FLT4: variants seen among roughly 807,000 people sequenced by gnomAD.
FLT4 encodes fms related receptor tyrosine kinase 4.
FLT4 carries 30 observed loss-of-function variants against 163.2 expected under a neutral mutation model. The ratio of observed to expected loss-of-function variants is 0.18; its 90% confidence interval spans 0.14 to 0.25. The LOEUF is 0.25. Ranked by LOEUF, FLT4 falls within the 10% of genes least tolerant of loss-of-function variation. FLT4 has a pLI of 1.00. For synonymous variants in FLT4, 884 were observed against 789.5 expected, an observed-to-expected ratio of 1.12 and a Z score of -2.01; for missense variants, 1,510 against 1,863.8, an observed-to-expected ratio of 0.81 and a Z score of 3.50.
At chr5:180,622,526 T>A (rs1327658918) in intron 12 of FLT4, among the ~76,000 whole-genome samples, 1 of 152,154 alleles carries the variant, frequency 6.6e-6, no homozygotes, top group Non-Finnish European at 1.5e-5. Context: ...GCCCCAGGGT[T>A]GGGGACAGAG....
chr5:180,621,999 C>T (rs62621082), intron 12 of FLT4, 95 bp from the exon 13 acceptor site: 1 of 1,529,644 alleles, frequency 6.5e-7, no homozygotes, highest in Non-Finnish European at 8.9e-7. Flanking sequence ...TCCCTCCCTC[C>T]CTCTCTCCTG....
chr5:180,618,442 C>T (rs1235286109), intron 21 of FLT4, among the ~76,000 whole-genome samples: 1 of 150,878 alleles, frequency 6.6e-6, no homozygotes, highest in South Asian at 2.1e-4. Flanking sequence ...CCAGAGGACC[C>T]TCTCCTGCCC....
rs1764736991 is a variant in FLT4 at position 180,636,984 on chromosome 5, A to G, written c.59-5206T>C. 1.3e-5 allele frequency among the ~76,000 whole-genome samples: 2 copies of G among 150,712 alleles called. No homozygotes were observed. The highest frequency in any genetic ancestry group is 4.9e-5 in the African/African-American group (2 of 40,916). On this transcript the variant is annotated intron_variant, in intron 1 of 29. Coordinates refer to ENST00000261937, the MANE Select transcript of FLT4 (RefSeq NM_182925.5). The surrounding 1 kb of genome is among the most constrained non-coding windows in gnomAD (Gnocchi z 4.3). ...GCCCCCACAGGAGCTCCTCCCCCCC[A>G]TTTTCCTGGGTGCACACAGTTCAGG...
chr5:180,619,748 G>A lies in FLT4; in HGVS notation c.2564C>T (p.Ala855Val). 2 of 1,612,440 alleles carry A rather than the reference G, an allele frequency of 1.2e-6. No homozygotes were observed. Among genetic ancestry groups the A allele is most frequent in the Non-Finnish European group, 1.7e-6 (2 of 1,179,840 alleles). Reference protein sequence around the residue: ...LHLGRVLGYGAFGKVVEASAF... With the variant: ...LHLGRVLGYGVFGKVVEASAF... ...GGAGGCTTCCACCACCTTCCCGAAG[G>A]CGCCGTAGCCGAGCACTCTCCCTGT... The change falls in exon 18 of 30, where the codon GCC becomes GTC. Residue 855 changes from alanine to valine, a missense_variant. By Grantham distance (64) the Ala-to-Val change is moderately conservative. Around this residue, in one of 5 missense-constraint regions of FLT4, gnomAD observed 878 missense variants for 1,016.7 expected, o/e 0.86. Transcript: ENST00000261937.
chr5:180,629,212 G>A (rs780380723), intron 7 of FLT4, 47 bp downstream of exon 7: 16 of 1,608,822 alleles, frequency 9.9e-6, no homozygotes, highest in Middle Eastern at 1.8e-4. Flanking sequence ...CGTGAGCTCT[G>A]GGCCCAGGCC....
Position 180,603,246 on chromosome 5 carries a change from C to T in FLT4, c.4038G>A (p.Glu1346=), listed in dbSNP as rs780316735. ...CGCGGGCAGACGGGGAGCAGTGGTC[C>T]TCCTCGCTTGGCTCCGACAGCTCCC... The part of the protein sequence containing the change: ...EYGELSEPSE[E]DHCSPSARVT... Residue 1346 remains glutamate, a synonymous_variant, in exon 30 of 30, where the codon GAG becomes GAA. Coordinates refer to ENST00000261937, the MANE Select transcript of FLT4 (RefSeq NM_182925.5). 2.5e-6 allele frequency: 4 copies of T among 1,614,164 alleles called. No homozygotes were observed. The highest frequency in any genetic ancestry group is 3.4e-6 in the Non-Finnish European group (4 of 1,180,032).
intron 1 of FLT4, among the ~76,000 whole-genome samples, chr5:180,638,043 C>T (rs1764816585): frequency 6.6e-6 from 1 of 152,148 alleles, no homozygotes; most frequent in Admixed American, 6.5e-5. Context: ...AGTGGGCACA[C>T]AGGATAGGGA....
chr5:180,633,012 C>T (rs576837394), intron 1 of FLT4, among the ~76,000 whole-genome samples: 3 of 151,892 alleles, frequency 2.0e-5, no homozygotes, highest in Admixed American at 1.3e-4. Context: ...CCGTCCAACA[C>T]GTCCCTTGGG....
At chr5:180,631,346 A>AGG (rs1764130936) in intron 2 of FLT4, among the ~76,000 whole-genome samples, 2 of 151,894 alleles carry the variant, frequency 1.3e-5, no homozygotes, top group African/African-American at 2.4e-5. Flanking sequence ...GGTGGCGGGC[A>AGG]CCTGTAGTCC....
chr5:180,631,807 G>A (rs2127842066), intron 1 of FLT4, 29 bp from the exon 2 acceptor site: 1 of 1,512,526 alleles, frequency 6.6e-7, no homozygotes, highest in Non-Finnish European at 9.1e-7. Context: ...TCAGCGTGGT[G>A]CTGGGCTGTG....
intron 8 of FLT4, among the ~76,000 whole-genome samples, chr5:180,628,153 A>T (rs1193363954): frequency 6.6e-6 from 1 of 152,230 alleles, no homozygotes; most frequent in Non-Finnish European, 1.5e-5. Context: ...TCAGTTAGGA[A>T]TACCCTTTCC....
At chr5:180,641,107 C>T (rs1275875838) in intron 1 of FLT4, among the ~76,000 whole-genome samples, 1 of 152,222 alleles carries the variant, frequency 6.6e-6, no homozygotes, top group Non-Finnish European at 1.5e-5. Context: ...CCCTGCTCTC[C>T]AGCAGGCTCC....
chr5:180,640,997 C>A (rs143633662), intron 1 of FLT4, among the ~76,000 whole-genome samples: 1 of 152,120 alleles, frequency 6.6e-6, no homozygotes. Flanking sequence ...GTGAAGGGGC[C>A]GGCATGAGAG....
rs1183020979 is a variant in FLT4, at chr5:180,602,708, G to A, written c.*484C>T. The A allele has an allele frequency of 2.2e-6, 1 of 448,968 alleles. No individual in the cohort carries two copies. 27.8% of individuals were successfully genotyped at this position (448,968 alleles called of 1,614,324 possible). ...CCTTCAACTGTGCAGGGGTGGGTGA[G>A]GCCAGCCAGCCCTCGTGGGGAGAGT... On this transcript the variant is annotated 3_prime_UTR_variant, in exon 30 of 30. Transcript: ENST00000261937.
At chr5:180,603,465 T>TATGC in intron 29 of FLT4, 75 bp from the exon 30 acceptor site, 4 of 1,384,138 alleles carry the variant, frequency 2.9e-6, no homozygotes, top group South Asian at 1.2e-5. Flanking sequence ...GTAATCCCAG[T>TATGC]ACTTGGGAGG....
Position 180,603,785 on chromosome 5 carries a change from T to A in FLT4, c.3894-395A>T, listed in dbSNP as rs1761638713. Among the ~76,000 whole-genome samples, 3 of 152,130 alleles carry A rather than the reference T, an allele frequency of 2.0e-5. No individual in the cohort carries two copies. In the South Asian group the frequency reaches 6.2e-4, roughly 32 times the overall value. On this transcript the variant is annotated intron_variant, in intron 29 of 29. Transcript: ENST00000261937. ...CGGGCGTGGTGGCGGGCGCCTGTAG[T>A]CCCAGCTACTCGGGAGGCTGAGGCA...
chr5:180,632,791 A>T (rs1157122600), intron 1 of FLT4, among the ~76,000 whole-genome samples: 2 of 151,756 alleles, frequency 1.3e-5, no homozygotes, highest in Non-Finnish European at 2.9e-5. Flanking sequence ...TTCACACATG[A>T]GTGTGTATGT....
At chr5:180,631,460 G>A (rs559135800) in intron 2 of FLT4, among the ~76,000 whole-genome samples, 5 of 151,976 alleles carry the variant, frequency 3.3e-5, no homozygotes, top group African/African-American at 7.2e-5. Context: ...GTGACAGAGT[G>A]AGACTCCATC....
chr5:180,619,554 G>A (rs1333438231), intron 18 of FLT4, 111 bp downstream of exon 18: 4 of 1,043,748 alleles, frequency 3.8e-6, no homozygotes, highest in South Asian at 3.8e-5. Context: ...AATCTCGGAT[G>A]AGACTGGCTT....
Sources: gnomAD v4.1 joint callset for allele counts (sites outside exome capture counted in the v4.1 genomes callset) on GRCh38, gnomAD v4.1.1 for gene constraint, gnomAD v4.1.1 regional missense constraint, Gnocchi (gnomAD v3.1) non-coding constraint, MANE v1.5 for transcripts, NCBI Gene and HGNC (gene_info 2026-07-23, HGNC 2026-07-21) for gene names.